The following NOVA1 variants were observed in gnomAD, a reference collection of about 807,000 sequenced individuals.
NOVA1 encodes NOVA alternative splicing regulator 1.
A neutral mutation model predicts 38.0 loss-of-function variants in NOVA1; 7 were observed. That is an observed-to-expected ratio of 0.18 (90% CI 0.10 to 0.35). NOVA1 has a LOEUF of 0.35. Ranked by LOEUF, NOVA1 falls within the 10% of genes least tolerant of loss-of-function variation. NOVA1 has a pLI of 1.00. For missense variants in NOVA1, 460 were observed against 616.0 expected, an observed-to-expected ratio of 0.75 and a Z score of 2.68; for synonymous variants, 270 against 232.5, an observed-to-expected ratio of 1.16 and a Z score of -1.47.
rs533259615 is a variant in NOVA1, at chr14:26,535,978, C to CAA, written c.281-55837_281-55836dup. Among the ~76,000 whole-genome samples, 29 of 75,038 alleles carry CAA rather than the reference C, an allele frequency of 3.9e-4. 1 individual carries two copies. The highest frequency in any genetic ancestry group is 1.4e-3 in the South Asian group (3 of 2,090). 49.2% of individuals were successfully genotyped at this position (75,038 alleles called of 152,430 possible). A position where few individuals can be genotyped will look rare whatever the true frequency, so the allele number is the denominator to read the frequency against. ...TGGGCAACAAAGCGAGACTCCGTCT[C>CAA]AAAAAAAAAAAAAAAAATGTGGTAC... On this transcript the variant is annotated intron_variant, in intron 2 of 4. Coordinates refer to ENST00000539517, the MANE Select transcript of NOVA1 (RefSeq NM_002515.3).
intron 2 of NOVA1, among the ~76,000 whole-genome samples, chr14:26,504,216 C>T (rs1594419762): frequency 6.6e-6 from 1 of 152,216 alleles, no homozygotes; most frequent in African/African-American, 2.4e-5. Context: ...CACAACACAG[C>T]CTACAACTTT....
At chr14:26,479,509 C>T (rs918158905) in intron 3 of NOVA1, 15 of 154,642 alleles carry the variant, frequency 9.7e-5, no homozygotes, top group Non-Finnish European at 4.3e-5. Context: ...ATTTACTATA[C>T]ATTTTTTTGA....
chr14:26,486,773 C>T (rs1885943073), intron 2 of NOVA1, among the ~76,000 whole-genome samples: 1 of 147,364 alleles, frequency 6.8e-6, no homozygotes, highest in African/African-American at 2.5e-5. Context: ...TAGTGACAAC[C>T]ATAGGGAATA....
intron 2 of NOVA1, among the ~76,000 whole-genome samples, chr14:26,537,450 G>GT (rs1254078624): frequency 1.5e-4 from 23 of 151,952 alleles, no homozygotes; most frequent in African/African-American, 5.1e-4. Flanking sequence ...CAAATGGAAA[G>GT]TTTTTTTAAA....
intron 2 of NOVA1, among the ~76,000 whole-genome samples, chr14:26,551,202 A>G (rs1948400589): frequency 6.6e-6 from 1 of 152,060 alleles, no homozygotes; most frequent in African/African-American, 2.4e-5. Context: ...ACCCAACTGA[A>G]CAAGCAGAAT....
chr14:26,568,713 T>C (rs908592434), intron 2 of NOVA1, among the ~76,000 whole-genome samples: 1 of 152,182 alleles, frequency 6.6e-6, no homozygotes, highest in African/African-American at 2.4e-5. Context: ...AGTCTTTTGA[T>C]AAACCAAGGT....
intron 2 of NOVA1, among the ~76,000 whole-genome samples, chr14:26,531,141 G>T (rs1042946518): frequency 1.3e-5 from 2 of 152,112 alleles, no homozygotes; most frequent in Admixed American, 6.6e-5. Flanking sequence ...ATTAACTTCA[G>T]CAGAAAAAAA....
chr14:26,542,174 T>C (rs1373029066), intron 2 of NOVA1, among the ~76,000 whole-genome samples: 2 of 151,914 alleles, frequency 1.3e-5, no homozygotes, highest in African/African-American at 2.4e-5. Flanking sequence ...ACTGGGCTAT[T>C]ATATGGCAAG....
At chr14:26,487,145 T>C (rs113558267) in intron 2 of NOVA1, among the ~76,000 whole-genome samples, 29 of 152,244 alleles carry the variant, frequency 1.9e-4, no homozygotes, top group African/African-American at 4.6e-4. Flanking sequence ...CTGAAGGACA[T>C]TGAAGGGTTT....
chr14:26,477,654 A>T (rs1048442687), intron 3 of NOVA1, among the ~76,000 whole-genome samples: 1 of 152,102 alleles, frequency 6.6e-6, no homozygotes, highest in Admixed American at 6.5e-5. Flanking sequence ...GATTTTAGAC[A>T]TAACTATTTT....
chr14:26,596,444 T>C, intron 1 of NOVA1: 2 of 800,950 alleles, frequency 2.5e-6, no homozygotes, highest in East Asian at 1.4e-4. Flanking sequence ...GTCAACTTGA[T>C]CACATCTTAT....
chr14:26,491,918 T>C (rs985406092), intron 2 of NOVA1, among the ~76,000 whole-genome samples: 4 of 152,084 alleles, frequency 2.6e-5, no homozygotes, highest in Admixed American at 6.6e-5. Context: ...TCTAGGAACC[T>C]TGCAATTCCG....
chr14:26,449,495 T>G (rs891370836), intron 4 of NOVA1, among the ~76,000 whole-genome samples: 2 of 152,172 alleles, frequency 1.3e-5, no homozygotes, highest in African/African-American at 4.8e-5. Flanking sequence ...TTTTTGTTAT[T>G]AAAGATAGCT....
intron 2 of NOVA1, among the ~76,000 whole-genome samples, chr14:26,552,669 C>T (rs1312519770): frequency 2.0e-5 from 3 of 151,980 alleles, no homozygotes; most frequent in Admixed American, 2.0e-4. Context: ...AATGTCCTGC[C>T]CTCTTGAGAA....
intron 2 of NOVA1, among the ~76,000 whole-genome samples, chr14:26,493,779 G>A (rs1481663717): frequency 3.3e-5 from 5 of 151,922 alleles, no homozygotes; most frequent in Non-Finnish European, 7.4e-5. Flanking sequence ...TTGATCTCCT[G>A]CCCCTACTCA....
At chr14:26,549,779 C>A in intron 2 of NOVA1, 1 of 1,286,504 alleles carries the variant, frequency 7.8e-7, no homozygotes, top group South Asian at 1.2e-5. Context: ...CAGCTGTCAG[C>A]ACCTAGGGGA....
At chr14:26,478,944 T>C (rs1224867564) in intron 3 of NOVA1, 2 of 151,904 alleles carry the variant, frequency 1.3e-5, no homozygotes, top group Non-Finnish European at 2.9e-5. Flanking sequence ...ATTTCTATGT[T>C]TATATTTCAT....
chr14:26,551,954 G>A (rs1051994782), intron 2 of NOVA1, among the ~76,000 whole-genome samples: 2 of 151,968 alleles, frequency 1.3e-5, no homozygotes, highest in African/African-American at 4.8e-5. Context: ...CCTCAAGACT[G>A]TGGTGACTTA....
At chr14:26,530,013 G>T (rs573334214) in intron 2 of NOVA1, among the ~76,000 whole-genome samples, 1 of 151,984 alleles carries the variant, frequency 6.6e-6, no homozygotes, top group Non-Finnish European at 1.5e-5. Flanking sequence ...TCCGCCTCCC[G>T]GGTTCACGCC....
Sources: gnomAD v4.1 joint callset for allele counts (sites outside exome capture counted in the v4.1 genomes callset) on GRCh38, gnomAD v4.1.1 for gene constraint, MANE v1.5 for transcripts, NCBI Gene and HGNC (gene_info 2026-07-23, HGNC 2026-07-21) for gene names.